Variants in DNM3 observed in about 807,000 individuals in gnomAD.
DNM3 encodes the protein dynamin-3.
A neutral mutation model predicts 101.6 loss-of-function variants in DNM3; 47 were observed. The ratio of observed to expected loss-of-function variants is 0.46; its 90% CI spans 0.37 to 0.59. The LOEUF (loss-of-function observed/expected upper bound fraction) is 0.59, where lower values mean the gene tolerates loss of function less well. Ranked by LOEUF, DNM3 falls within the 20% of genes least tolerant of loss-of-function variation. The pLI, the probability that DNM3 is intolerant of heterozygous loss-of-function variation, is 0.00. For missense variants in DNM3, 849 were observed against 1,085.7 expected, an observed-to-expected ratio of 0.78 and a Z score of 3.06; for synonymous variants, 385 against 387.9, an observed-to-expected ratio of 0.99 and a Z score of 0.09.
At chr1:172,330,927 A>G (rs1225325834) in intron 17 of DNM3, among the ~76,000 whole-genome samples, 2 of 152,130 alleles carry the variant, frequency 1.3e-5, no homozygotes, top group African/African-American at 4.8e-5. Flanking sequence ...TTATGTAATC[A>G]TGTTTATTAT....
intron 18 of DNM3, 50 bp from the exon 19 acceptor site, chr1:172,387,083 C>T (rs1421629203): frequency 7.4e-6 from 11 of 1,482,288 alleles, no homozygotes; most frequent in Admixed American, 1.7e-5. Context: ...TCTACCTCCA[C>T]TCAGTCACTC....
chr1:172,133,402 A>G, intron 14 of DNM3: 1 of 987,390 alleles, frequency 1.0e-6, no homozygotes, highest in Non-Finnish European at 1.2e-6. Context: ...ACCAAGTGCC[A>G]TGAATACTCC....
At position 172,407,838 on chromosome 1, in the gene DNM3, C is replaced by T. The variant is rs750202983; in HGVS notation, c.2589C>T (p.Asp863=). The T allele has an allele frequency of 1.2e-6, 2 of 1,612,998 alleles. No individual in the cohort carries two copies. Among genetic ancestry groups the T allele is most frequent in the Non-Finnish European group, 1.7e-6 (2 of 1,179,262 alleles). ...IIRPLESSLL[D] is the part of the protein sequence containing the mutation. Reference sequence around the variant, plus strand: ...GCCCACTAGAATCCTCCCTGTTAGACTAAACGAAGTGTCTGGCATGGCAAT... The same window carrying T: ...GCCCACTAGAATCCTCCCTGTTAGATTAAACGAAGTGTCTGGCATGGCAAT... Residue 863 remains aspartate (D), a synonymous_variant, in exon 21 of 21, where the codon GAC becomes GAT. Coordinates refer to ENST00000627582, the MANE Select transcript of DNM3 (RefSeq NM_015569.5).
chr1:172,414,887 G>A (rs1230741727), downstream of DNM3, among the ~76,000 whole-genome samples: 2 of 133,558 alleles, frequency 1.5e-5, no homozygotes, highest in African/African-American at 5.9e-5. Flanking sequence ...TGGCAACACA[G>A]CAAGACCTCA....
chr1:171,993,542 TG>T (rs1291931824), intron 4 of DNM3, among the ~76,000 whole-genome samples: 2 of 150,776 alleles, frequency 1.3e-5, no homozygotes, highest in African/African-American at 4.9e-5. Context: ...TTATGATATC[TG>T]TAGGTACAGA....
chr1:172,185,666 G>T (rs1250356940), intron 14 of DNM3, among the ~76,000 whole-genome samples: 1 of 152,022 alleles, frequency 6.6e-6, no homozygotes, highest in East Asian at 1.9e-4. Flanking sequence ...CTAGACTTTG[G>T]TAATTGTTTA....
intron 17 of DNM3, among the ~76,000 whole-genome samples, chr1:172,347,243 G>A (rs1265961502): frequency 1.3e-5 from 2 of 151,656 alleles, no homozygotes; most frequent in African/African-American, 4.9e-5. Context: ...ATGCAAATTC[G>A]ACCCAGGCCT....
chr1:172,330,263 G>A (rs2066124959), intron 17 of DNM3, among the ~76,000 whole-genome samples: 1 of 152,066 alleles, frequency 6.6e-6, no homozygotes, highest in Non-Finnish European at 1.5e-5. Context: ...GTTGAATAGA[G>A]TATGGTATAT....
Position 172,208,749 on chromosome 1 carries a change from C to T in DNM3, c.1660-44824C>T, listed in dbSNP as rs191297800. ...AGGAACAAGATGCTGCCTTCCTCTC[C>T]GCTACTCCTTGACACTGCTAGGCTT... On this transcript the variant is annotated intron_variant, in intron 14 of 20. Transcript: ENST00000627582. Among the ~76,000 whole-genome samples the T allele has an allele frequency of 6.3e-3, 954 of 152,184 alleles. 13 individuals are homozygous for T. Among genetic ancestry groups the T allele is most frequent in the African/African-American group, 0.016 (647 of 41,556 alleles).
rs543387821 is a variant in DNM3 at position 172,237,486 on chromosome 1, G to A, written c.1660-16087G>A. On this transcript the variant is annotated intron_variant, in intron 14 of 20. Transcript: ENST00000627582. ...TTCTAAGCTCTGATCCAAATTATTT[G>A]TAAGTCAAGGCCATTTGTTTGTACC... Among the ~76,000 whole-genome samples the A allele has an allele frequency of 5.3e-5, 8 of 152,218 alleles. No homozygotes were observed. The East Asian group carries it at 1.2e-3, about 22-fold the overall frequency.
intron 2 of DNM3, among the ~76,000 whole-genome samples, chr1:171,945,810 C>G (rs1190743775): frequency 6.6e-6 from 1 of 152,038 alleles, no homozygotes; most frequent in African/African-American, 2.4e-5. Flanking sequence ...AAAGGACTTT[C>G]TAAGGAGGTG....
chr1:171,902,013 C>T (rs1035164524), intron 1 of DNM3, among the ~76,000 whole-genome samples: 3 of 152,158 alleles, frequency 2.0e-5, no homozygotes, highest in Admixed American at 6.5e-5. Context: ...TTTACATTTC[C>T]ATAGCACATT....
intron 17 of DNM3, among the ~76,000 whole-genome samples, chr1:172,326,095 TACAATAG>T (rs1289019079): frequency 6.6e-6 from 1 of 152,194 alleles, no homozygotes; most frequent in East Asian, 1.9e-4. Flanking sequence ...AACTAACTTC[TACAATAG>T]ATGTGCATTT....
rs769719543 is a variant in DNM3, at chr1:172,394,454, A to G, written c.2522+5645A>G. The G allele has an allele frequency of 3.9e-5, 6 of 152,304 alleles. No homozygotes were observed. The South Asian group carries it at 6.2e-4, about 16-fold the overall frequency. The allele number at this position is 152,304 out of a possible 1,614,324, so 9.4% of individuals were successfully genotyped here. A position where few individuals can be genotyped will look rare whatever the true frequency, so the allele number is the denominator to read the frequency against. On this transcript the variant is annotated intron_variant, in intron 20 of 20. Transcript: ENST00000627582. ...AAAAGGAAAATAAGAAAGGATCTAC[A>G]TAAGGCAAAGTACAAGTAACATAAA...
rs552349664 is a variant in DNM3 at position 172,046,383 on chromosome 1, C to T, written c.1196+1931C>T. 2.8e-3 allele frequency among the ~76,000 whole-genome samples: 427 copies of T among 152,102 alleles called. 3 individuals are homozygous for T. The highest frequency in any genetic ancestry group is 9.6e-3 in the African/African-American group (400 of 41,484). On this transcript the variant is annotated intron_variant, in intron 9 of 20. Coordinates refer to ENST00000627582, the MANE Select transcript of DNM3 (RefSeq NM_015569.5). Reference sequence around the variant, plus strand: ...GAACACATGGACACAGGAAGGGGAACATCACACTCTGGGGACTGTTGTTGG... The same window carrying T: ...GAACACATGGACACAGGAAGGGGAATATCACACTCTGGGGACTGTTGTTGG...
At chr1:171,851,527 C>T (rs561836121) in intron 1 of DNM3, among the ~76,000 whole-genome samples, 9 of 152,270 alleles carry the variant, frequency 5.9e-5, no homozygotes, top group Admixed American at 2.0e-4. Context: ...AATTCTCATG[C>T]CTCAGCCACC....
chr1:172,411,403 T>G lies in DNM3; in HGVS notation c.*3562T>G, dbSNP rs2071194683. 1 of 985,128 alleles carries G rather than the reference T, an allele frequency of 1.0e-6. No homozygotes were observed. The highest frequency in any genetic ancestry group is 1.7e-5 in the African/African-American group (1 of 57,330). The allele number at this position is 985,128 out of a possible 1,614,324, so 61.0% of individuals were successfully genotyped here. ...GAAGGAATTACCTTTGACAATATTTTTCGGTAAGAAGTAAAACCTCTGGAG... is the reference window on the plus strand; with the variant it reads ...GAAGGAATTACCTTTGACAATATTTGTCGGTAAGAAGTAAAACCTCTGGAG... On this transcript the variant is annotated 3_prime_UTR_variant, in exon 21 of 21. Transcript: ENST00000627582.
chr1:172,010,426 T>C (rs1193156432), intron 4 of DNM3, among the ~76,000 whole-genome samples: 1 of 151,818 alleles, frequency 6.6e-6, no homozygotes. Context: ...AAAAAAGTTA[T>C]TGCCTTTATT....
chr1:172,177,002 T>C (rs934103993), intron 14 of DNM3, among the ~76,000 whole-genome samples: 1 of 151,804 alleles, frequency 6.6e-6, no homozygotes, highest in Admixed American at 6.6e-5. Flanking sequence ...AGAACATAGA[T>C]CAAACTACAA....
Sources: gnomAD v4.1 joint callset for allele counts (sites outside exome capture counted in the v4.1 genomes callset) on GRCh38, gnomAD v4.1.1 for gene constraint, MANE v1.5 for transcripts, NCBI Gene and HGNC (gene_info 2026-07-23, HGNC 2026-07-21) for gene names.